Variants in ASTN2 observed in about 807,000 individuals in gnomAD.
ASTN2 encodes the protein astrotactin-2.
In ASTN2, 54 loss-of-function variants were observed where a neutral mutation model predicts 139.8. That is an observed-to-expected ratio of 0.39 (90% CI 0.31 to 0.48). ASTN2 has a LOEUF of 0.48. Ranked by LOEUF, ASTN2 falls within the 20% of genes least tolerant of loss-of-function variation. The probability of loss-of-function intolerance (pLI) is 0.95; values close to 1 mark genes in which losing one functional copy is unlikely to be tolerated. For synonymous variants in ASTN2, 756 were observed against 719.5 expected (o/e 1.05, Z -0.81); for missense variants, 1,565 against 1,725.1 (o/e 0.91, Z 1.64).
At chr9:117,216,664 G>A (rs1218643894) in intron 2 of ASTN2, among the ~76,000 whole-genome samples, 2 of 152,086 alleles carry the variant, frequency 1.3e-5, no homozygotes, top group African/African-American at 4.8e-5. Flanking sequence ...ATATGATAGT[G>A]ATTGCTTTGT....
intron 13 of ASTN2, among the ~76,000 whole-genome samples, chr9:116,788,187 G>C (rs1830429547): frequency 2.0e-5 from 3 of 152,076 alleles, no homozygotes; most frequent in Admixed American, 1.3e-4. Flanking sequence ...ATTGCGGGGA[G>C]ATGAAGAATA....
intron 5 of ASTN2, among the ~76,000 whole-genome samples, chr9:117,054,016 G>C (rs1452516143): frequency 6.8e-6 from 1 of 147,388 alleles, no homozygotes; most frequent in African/African-American, 2.6e-5. Flanking sequence ...GGGAATATAA[G>C]AGAGGATAAA....
In ASTN2 at chr9:116,875,778, A is replaced by G. The variant is rs557110080; in HGVS notation, c.1890-12045T>C. 1.1e-4 allele frequency among the ~76,000 whole-genome samples: 17 copies of G among 152,288 alleles called. No homozygotes were observed. The South Asian group carries it at 3.1e-3, about 28-fold the overall frequency. On this transcript the variant is annotated intron_variant, in intron 10 of 22. Transcript: ENST00000313400. ...GGCCTTTAAGAATTATGCTAAATCT[A>G]CTCTGCCTGTGCTCTATAAATAGAA...
At chr9:116,777,340 C>T (rs1321369051) in intron 13 of ASTN2, among the ~76,000 whole-genome samples, 2 of 152,130 alleles carry the variant, frequency 1.3e-5, no homozygotes, top group African/African-American at 2.4e-5. Flanking sequence ...GGGCAGGTGT[C>T]ATCATCTCAC....
chr9:116,839,881 A>ATTATTATT (rs55634992), intron 11 of ASTN2, among the ~76,000 whole-genome samples: 2 of 127,978 alleles, frequency 1.6e-5, no homozygotes, highest in African/African-American at 6.0e-5. Context: ...TATTATTATT[A>ATTATTATT]TTTTTTTTTT....
chr9:116,620,073 A>G lies in ASTN2; in HGVS notation c.3206+237T>C, dbSNP rs527746326. 1.4e-4 allele frequency among the ~76,000 whole-genome samples: 21 copies of G among 152,228 alleles called. 1 individual carries two copies. The highest frequency in any genetic ancestry group is 3.1e-4 in the African/African-American group (13 of 41,528). ...TGGTTGCCTGAAGGAAGAAATGATG[A>G]ACTGAGTGGCATCATTTAAAACAAG... On this transcript the variant is annotated intron_variant, in intron 18 of 22. Coordinates refer to ENST00000313400, the MANE Select transcript of ASTN2 (RefSeq NM_001365068.1).
intron 1 of ASTN2, among the ~76,000 whole-genome samples, chr9:117,358,651 G>T (rs1829610261): frequency 6.6e-6 from 1 of 152,126 alleles, no homozygotes; most frequent in African/African-American, 2.4e-5. Flanking sequence ...AACAGGCAGT[G>T]CCTGAAAGTG....
chr9:116,922,741 T>G (rs2132438600), intron 10 of ASTN2, among the ~76,000 whole-genome samples: 1 of 152,302 alleles, frequency 6.6e-6, no homozygotes, highest in Middle Eastern at 3.4e-3. Context: ...ACAAAAACAT[T>G]CAGTGTGATC....
chr9:117,036,551 C>G (rs150219272), intron 6 of ASTN2, among the ~76,000 whole-genome samples: 2,438 of 152,254 alleles, frequency 0.016, 69 homozygotes, highest in Admixed American at 0.081. Context: ...CTCCAATCAT[C>G]TCCTCTATAT....
At chr9:116,873,084 T>A (rs1336957465) in intron 10 of ASTN2, among the ~76,000 whole-genome samples, 1 of 152,206 alleles carries the variant, frequency 6.6e-6, no homozygotes, top group Non-Finnish European at 1.5e-5. Flanking sequence ...TGATTGTGCA[T>A]TCATAATATG....
chr9:117,178,585 T>C (rs963599068), intron 3 of ASTN2, among the ~76,000 whole-genome samples: 3 of 152,062 alleles, frequency 2.0e-5, no homozygotes, highest in African/African-American at 7.2e-5. Flanking sequence ...GAAAGGACAA[T>C]GGATAAGCGC....
chr9:117,246,146 C>CA (rs1013777073), intron 2 of ASTN2, among the ~76,000 whole-genome samples: 17 of 83,640 alleles, frequency 2.0e-4, no homozygotes, highest in Admixed American at 6.9e-4. Context: ...TGAAAACAAA[C>CA]AAAAAAAAGC....
chr9:116,718,783 C>A (rs1828385801), intron 16 of ASTN2, among the ~76,000 whole-genome samples: 1 of 151,828 alleles, frequency 6.6e-6, no homozygotes, highest in Admixed American at 6.6e-5. Flanking sequence ...CGGACTGGAA[C>A]TATAGCATTG....
intron 2 of ASTN2, among the ~76,000 whole-genome samples, chr9:117,225,021 C>A (rs1381276704): frequency 2.0e-5 from 3 of 152,102 alleles, no homozygotes; most frequent in African/African-American, 7.2e-5. Flanking sequence ...CACTGAGTAG[C>A]CCTCATTATG....
intron 10 of ASTN2, among the ~76,000 whole-genome samples, chr9:116,887,090 T>A (rs571985893): frequency 7.9e-5 from 12 of 152,184 alleles, no homozygotes; most frequent in African/African-American, 1.7e-4. Context: ...TTATTGTGAA[T>A]AATGTGCTAA....
At chr9:116,984,095 T>G in intron 7 of ASTN2, among the ~76,000 whole-genome samples, 1 of 152,360 alleles carries the variant, frequency 6.6e-6, no homozygotes, top group East Asian at 1.9e-4. Context: ...GAAAAACTTC[T>G]AATGGGGCCC....
intron 19 of ASTN2, among the ~76,000 whole-genome samples, chr9:116,530,440 T>A (rs1851296001): frequency 6.6e-6 from 1 of 151,806 alleles, no homozygotes; most frequent in African/African-American, 2.4e-5. Context: ...CTATACTTAA[T>A]AATATATTGT....
chr9:117,396,576 G>A (rs1245823333), intron 1 of ASTN2, among the ~76,000 whole-genome samples: 1 of 152,066 alleles, frequency 6.6e-6, no homozygotes, highest in Non-Finnish European at 1.5e-5. Context: ...TTGTGTTGTT[G>A]TTGTTATGAG....
intron 5 of ASTN2, among the ~76,000 whole-genome samples, chr9:117,053,481 G>A (rs1564403013): frequency 6.6e-6 from 1 of 152,072 alleles, no homozygotes; most frequent in African/African-American, 2.4e-5. Flanking sequence ...TCTTCTGGGG[G>A]TAAATAGCAT....
Sources: gnomAD v4.1 joint callset for allele counts (sites outside exome capture counted in the v4.1 genomes callset) on GRCh38, gnomAD v4.1.1 for gene constraint, MANE v1.5 for transcripts, NCBI Gene and HGNC (gene_info 2026-07-23, HGNC 2026-07-21) for gene names.